LUZP2: variants seen among roughly 807,000 people sequenced by gnomAD.
LUZP2 encodes leucine zipper protein 2.
A neutral mutation model predicts 51.6 loss-of-function variants in LUZP2; 52 were observed. The ratio of observed to expected loss-of-function variants is 1.01; its 90% confidence interval spans 0.81 to 1.27. LUZP2 has a LOEUF of 1.27. LUZP2 is among the 50% of genes most tolerant of loss of function. The pLI is 0.00. For missense variants in LUZP2, 436 were observed against 395.4 expected, an observed-to-expected ratio of 1.10 and a Z score of -0.87; for synonymous variants, 154 against 137.3, an observed-to-expected ratio of 1.12 and a Z score of -0.85.
intron 1 of LUZP2, among the ~76,000 whole-genome samples, chr11:24,704,773 C>A (rs1416979577): frequency 6.6e-6 from 1 of 152,140 alleles, no homozygotes; most frequent in Non-Finnish European, 1.5e-5. Context: ...TAAGGATCAT[C>A]TAATTCTGTA....
chr11:24,814,352 A>C (rs2134142387), intron 5 of LUZP2, among the ~76,000 whole-genome samples: 1 of 152,240 alleles, frequency 6.6e-6, no homozygotes, highest in East Asian at 1.9e-4. Context: ...GGTGAATGAC[A>C]AGTGAGATCA....
intron 7 of LUZP2, among the ~76,000 whole-genome samples, chr11:24,975,503 T>G (rs1467396260): frequency 6.6e-6 from 1 of 152,054 alleles, no homozygotes; most frequent in Non-Finnish European, 1.5e-5. Context: ...GCACAGTGCC[T>G]GGCATAGTGA....
chr11:24,949,476 A>G (rs563819993), intron 7 of LUZP2, among the ~76,000 whole-genome samples: 1 of 151,784 alleles, frequency 6.6e-6, no homozygotes, highest in South Asian at 2.1e-4. Flanking sequence ...AAGAAAATTT[A>G]TAAAACATTT....
intron 1 of LUZP2, among the ~76,000 whole-genome samples, chr11:24,676,185 A>C (rs1048314433): frequency 3.3e-5 from 5 of 152,152 alleles, no homozygotes; most frequent in Non-Finnish European, 5.9e-5. Flanking sequence ...TCCTTATCTT[A>C]TGTGGCATAA....
At chr11:24,957,788 T>C (rs1352779594) in intron 7 of LUZP2, among the ~76,000 whole-genome samples, 4 of 152,174 alleles carry the variant, frequency 2.6e-5, no homozygotes, top group Non-Finnish European at 4.4e-5. Context: ...AGTTTTAGGG[T>C]ACATGTGCAC....
At chr11:24,933,703 C>T (rs1456609784) in intron 7 of LUZP2, among the ~76,000 whole-genome samples, 1 of 152,224 alleles carries the variant, frequency 6.6e-6, no homozygotes, top group Admixed American at 6.5e-5. Context: ...ATTTAAATGG[C>T]TTGCATACTG....
chr11:25,034,866 C>G (rs1857802846), intron 9 of LUZP2, among the ~76,000 whole-genome samples: 1 of 152,032 alleles, frequency 6.6e-6, no homozygotes, highest in African/African-American at 2.4e-5. Flanking sequence ...TACCTCCAGT[C>G]TTGTTCTTTT....
At chr11:24,592,339 T>G (rs995002692) in intron 1 of LUZP2, among the ~76,000 whole-genome samples, 2 of 152,214 alleles carry the variant, frequency 1.3e-5, no homozygotes, top group Non-Finnish European at 2.9e-5. Flanking sequence ...AGATTTTGAT[T>G]TTTTCAGCAA....
intron 1 of LUZP2, among the ~76,000 whole-genome samples, chr11:24,568,390 T>A (rs1852318394): frequency 6.7e-6 from 1 of 150,090 alleles, no homozygotes; most frequent in Non-Finnish European, 1.5e-5. Flanking sequence ...GATTATTATA[T>A]TAACATGAGA....
chr11:24,967,148 G>T (rs1283490018), intron 7 of LUZP2, among the ~76,000 whole-genome samples: 2 of 151,550 alleles, frequency 1.3e-5, no homozygotes, highest in Non-Finnish European at 3.0e-5. Flanking sequence ...AAATCAGATG[G>T]CATTAGTCCT....
intron 7 of LUZP2, among the ~76,000 whole-genome samples, chr11:24,965,920 A>T (rs1855569473): frequency 6.6e-6 from 1 of 151,812 alleles, no homozygotes; most frequent in African/African-American, 2.4e-5. Context: ...CTTACTTTGC[A>T]CACAGGGAAT....
At chr11:24,530,128 T>C (rs1850947708) in intron 1 of LUZP2, among the ~76,000 whole-genome samples, 1 of 150,914 alleles carries the variant, frequency 6.6e-6, no homozygotes, top group Admixed American at 6.6e-5. Flanking sequence ...ACTAGTACCT[T>C]TATTTAATTC....
At chr11:24,573,448 C>T (rs532896600) in intron 1 of LUZP2, among the ~76,000 whole-genome samples, 69 of 151,512 alleles carry the variant, frequency 4.6e-4, no homozygotes, top group Admixed American at 2.4e-3. Flanking sequence ...ATGAGGATTA[C>T]CTTTTAAAAA....
At chr11:24,534,678 T>C (rs1291107914) in intron 1 of LUZP2, among the ~76,000 whole-genome samples, 1 of 151,438 alleles carries the variant, frequency 6.6e-6, no homozygotes, top group East Asian at 1.9e-4. Context: ...CACCTATAAA[T>C]TCCTTAGCAG....
chr11:25,042,390 G>A (rs1443616230), intron 9 of LUZP2, among the ~76,000 whole-genome samples: 1 of 151,834 alleles, frequency 6.6e-6, no homozygotes, highest in African/African-American at 2.4e-5. Context: ...AAAAGATGTA[G>A]GCTTCAAACT....
chr11:24,788,180 A>ATTTTTTTTTTTTT (rs61308017), intron 5 of LUZP2, among the ~76,000 whole-genome samples: 1 of 83,396 alleles, frequency 1.2e-5, no homozygotes, highest in Non-Finnish European at 2.2e-5. Flanking sequence ...TTTGTTTTTA[A>ATTTTTTTTTTTTT]TTTTTTTTTT....
chr11:24,523,776 G>T (rs1195686864), intron 1 of LUZP2, among the ~76,000 whole-genome samples: 2 of 151,544 alleles, frequency 1.3e-5, no homozygotes, highest in African/African-American at 4.8e-5. Flanking sequence ...TCATTATGTT[G>T]TAATATATTA....
At chr11:24,824,388 A>AAAAAAAAAAAAAAAAAAAAAG (rs1404768693) in intron 5 of LUZP2, among the ~76,000 whole-genome samples, 1 of 148,830 alleles carries the variant, frequency 6.7e-6, no homozygotes, top group Non-Finnish European at 1.5e-5. Context: ...AAAAAAAAAA[A>AAAAAAAAAAAAAAAAAAAAAG]AAAAATGAGT....
chr11:24,738,371 C>G, intron 4 of LUZP2, 69 bp downstream of exon 4: 2 of 1,036,682 alleles, frequency 1.9e-6, no homozygotes, highest in Non-Finnish European at 3.0e-6. Context: ...TTTCCAAAAT[C>G]ACTATGGAAC....
Sources: allele counts gnomAD v4.1 joint callset (sites outside exome capture counted in the v4.1 genomes callset), GRCh38; gene constraint gnomAD v4.1.1; transcripts MANE v1.5; gene names NCBI Gene and HGNC (gene_info 2026-07-23, HGNC 2026-07-21).